Variants in RNF166 observed in about 807,000 individuals in gnomAD.
RNF166 encodes the protein ring finger protein 166.
In RNF166, 19 loss-of-function variants were observed where a neutral mutation model predicts 29.4. The ratio of observed to expected loss-of-function variants is 0.65; its 90% confidence interval spans 0.45 to 0.95. RNF166 has a LOEUF of 0.95. Among genes scored for constraint, RNF166 ranks in the 40% least tolerant of loss-of-function variants. RNF166 has a pLI of 0.00. For missense variants in RNF166, 347 were observed against 322.1 expected (o/e 1.08, Z -0.59); for synonymous variants, 171 against 134.5 (o/e 1.27, Z -1.88).
chr16:88,701,475 G>T, intron 1 of RNF166, 57 bp from the exon 2 acceptor site: 3 of 1,474,428 alleles, frequency 2.0e-6, no homozygotes. Context: ...CGAACCGCAG[G>T]CCTTGCTCGG....
intron 2 of RNF166, chr16:88,700,572 T>C (rs984825227): frequency 2.0e-6 from 2 of 983,174 alleles, no homozygotes; most frequent in African/African-American, 1.8e-5. Flanking sequence ...ATAGAACTTA[T>C]TCACCTGAGA....
At chr16:88,697,803 G>C (rs1190787499) in intron 5 of RNF166, 170 bp from the exon 6 acceptor site, 6 of 591,832 alleles carry the variant, frequency 1.0e-5, no homozygotes, top group Non-Finnish European at 1.2e-5. Context: ...CGGTCCTCTG[G>C]GGGGTGAGAA....
At chr16:88,704,603 T>G in intron 1 of RNF166, 2 of 980,334 alleles carry the variant, frequency 2.0e-6, no homozygotes, top group Non-Finnish European at 2.4e-6. Flanking sequence ...ACGGGAGGCT[T>G]TTCTAAAACA....
At position 88,697,576 on chromosome 16, in the gene RNF166, C is replaced by G. The variant is rs374693627; in HGVS notation, c.706G>C (p.Glu236Gln). Residue 236 changes from glutamate (E) to glutamine (Q), a missense_variant, in exon 6 of 6, where the codon GAG becomes CAG. By Grantham distance (29) the Glu-to-Gln change is conservative (BLOSUM62 2). Coordinates refer to ENST00000312838, the MANE Select transcript of RNF166 (RefSeq NM_178841.4). ...FQAALALSLSEN is the reference protein window; with the variant it reads ...FQAALALSLSQN ...GGTGGCTGCGCTTCCCTTCAGTTCT[C>G]AGAGAGAGACAGGGCCAGAGCAGCC... The G allele has an allele frequency of 1.3e-4, 204 of 1,549,692 alleles. No individual in the cohort carries two copies. The highest frequency in any genetic ancestry group is 6.4e-4 in the South Asian group (54 of 84,032).
chr16:88,701,240 G>A (rs1307907515), intron 2 of RNF166, 22 bp downstream of exon 2: 6 of 1,613,194 alleles, frequency 3.7e-6, no homozygotes, highest in South Asian at 1.1e-5. Context: ...CCGGCTCCAG[G>A]GCGGCCCAAG....
chr16:88,701,664 G>A (rs1189714394), intron 1 of RNF166: 2 of 469,440 alleles, frequency 4.3e-6, no homozygotes, highest in South Asian at 3.4e-5. Flanking sequence ...CTGGCTAGCG[G>A]CAGAGCCGTC....
At chr16:88,697,777 A>G in intron 5 of RNF166, 144 bp from the exon 6 acceptor site, 1 of 647,810 alleles carries the variant, frequency 1.5e-6, no homozygotes, top group African/African-American at 1.8e-5. Context: ...CTGTCCCCAC[A>G]GGCTCGGGGC....
At chr16:88,701,187 C>G in intron 2 of RNF166, 75 bp downstream of exon 2, 1 of 1,569,676 alleles carries the variant, frequency 6.4e-7, no homozygotes, top group Non-Finnish European at 8.7e-7. Flanking sequence ...CCGGCCCCCA[C>G]CCTCTGCAGA....
intron 1 of RNF166, chr16:88,703,965 C>G (rs1467679940): frequency 1.0e-6 from 1 of 985,358 alleles, no homozygotes; most frequent in Non-Finnish European, 1.2e-6. Context: ...TGTCCTGGCC[C>G]ACAGGCTTCT....
rs1910504157 is a variant in RNF166, at chr16:88,703,786, T to G, written c.156-2368A>C. The G allele has an allele frequency of 3.0e-6, 3 of 985,332 alleles. No individual in the cohort carries two copies. In the African/African-American group the frequency reaches 5.2e-5, roughly 17 times the overall value. The allele number at this position is 985,332 out of a possible 1,614,324, so 61.0% of individuals were successfully genotyped here. A position where few individuals can be genotyped will look rare whatever the true frequency, so the allele number is the denominator to read the frequency against. The stretch of plus-strand genomic sequence containing the variant: ...GGCCCTCCCAGCAGGCACCCGGGAC[T>G]GCCAATGTGTCTCCCACACTGGCCG... On this transcript the variant is annotated intron_variant, in intron 1 of 5. Coordinates refer to ENST00000312838, the MANE Select transcript of RNF166 (RefSeq NM_178841.4).
At chr16:88,698,073 G>A (rs1383298989) in intron 5 of RNF166, 7 of 565,822 alleles carry the variant, frequency 1.2e-5, no homozygotes, top group Non-Finnish European at 2.2e-5. Flanking sequence ...CAGGAGTGAG[G>A]AGTTTGTGCG....
At chr16:88,705,273 T>G (rs1290096036) in intron 1 of RNF166, among the ~76,000 whole-genome samples, 1 of 152,204 alleles carries the variant, frequency 6.6e-6, no homozygotes, top group African/African-American at 2.4e-5. Flanking sequence ...TGCAAAATGT[T>G]CTAGAGCCTC....
At chr16:88,698,894 A>C in intron 4 of RNF166, 77 bp downstream of exon 4, 1 of 1,191,646 alleles carries the variant, frequency 8.4e-7, no homozygotes, top group East Asian at 2.6e-5. Flanking sequence ...ACTCGCCGCG[A>C]GCAGGCTCCT....
chr16:88,697,949 T>G (rs762788749), intron 5 of RNF166: 1 of 468,944 alleles, frequency 2.1e-6, no homozygotes, highest in Non-Finnish European at 3.9e-6. Flanking sequence ...ACAATTTCCA[T>G]CCTGAGGCAG....
chr16:88,703,030 T>C (rs572675837), intron 1 of RNF166: 1 of 985,350 alleles, frequency 1.0e-6, no homozygotes, highest in South Asian at 4.7e-5. Context: ...GAAAGGGCGT[T>C]CGGCCGGGAA....
chr16:88,698,881 C>T (rs1336306482), intron 4 of RNF166, 90 bp downstream of exon 4: 35 of 1,069,582 alleles, frequency 3.3e-5, no homozygotes, highest in Middle Eastern at 2.9e-4. Context: ...TGGGCACCCC[C>T]GGACTCGCCG....
chr16:88,701,819 C>G (rs1192501971), intron 1 of RNF166, among the ~76,000 whole-genome samples: 1 of 152,222 alleles, frequency 6.6e-6, no homozygotes, highest in Non-Finnish European at 1.5e-5. Context: ...GGAAACTCTC[C>G]CGGCTCCACA....
intron 5 of RNF166, chr16:88,698,037 C>G (rs751464866): frequency 3.8e-6 from 2 of 522,064 alleles, no homozygotes; most frequent in African/African-American, 1.9e-5. Context: ...CAGGAATGAA[C>G]AGGGCGGCGC....
At position 88,701,568 on chromosome 16, in the gene RNF166, C is replaced by T. The variant is rs1170439272; in HGVS notation, c.156-150G>A. On this transcript the variant is annotated intron_variant, in intron 1 of 5. Transcript: ENST00000312838. ...GTCGCCGTCTCTGGAGATGGTCACT[C>T]CTATGTCCGGGGCCCACCAGCTGGA... 5 of 752,862 alleles carry T rather than the reference C, an allele frequency of 6.6e-6. No homozygotes were observed. The East Asian group carries it at 1.4e-4, about 22-fold the overall frequency. The allele number at this position is 752,862 out of a possible 1,614,324, so 46.6% of individuals were successfully genotyped here. A position where few individuals can be genotyped will look rare whatever the true frequency, so the allele number is the denominator to read the frequency against.
Sources: allele counts gnomAD v4.1 joint callset (sites outside exome capture counted in the v4.1 genomes callset), GRCh38; gene constraint gnomAD v4.1.1; transcripts MANE v1.5; gene names NCBI Gene and HGNC (gene_info 2026-07-23, HGNC 2026-07-21).